The following NME5 variants were observed in gnomAD, a reference collection of about 807,000 sequenced individuals.
NME5 encodes nucleoside diphosphate kinase 5.
Under a neutral mutation model 21.6 loss-of-function variants are expected in NME5, and 18 were observed. The ratio of observed to expected loss-of-function variants is 0.83; its 90% CI spans 0.58 to 1.24. The LOEUF (loss-of-function observed/expected upper bound fraction) is 1.24. Ranked by LOEUF, NME5 falls within the 50% of genes most tolerant of loss-of-function variation. The pLI, the probability that NME5 is intolerant of heterozygous loss-of-function variation, is 0.00. For missense variants in NME5, 223 were observed against 255.4 expected, an observed-to-expected ratio of 0.87 and a Z score of 0.86; for synonymous variants, 70 against 80.6, an observed-to-expected ratio of 0.87 and a Z score of 0.71.
At position 138,115,747 on chromosome 5, in the gene NME5, C is replaced by T. The variant is rs1351080285; in HGVS notation, c.573G>A (p.Trp191Ter). The T allele has an allele frequency of 3.8e-6, 6 of 1,577,994 alleles. No homozygotes were observed. The highest frequency in any genetic ancestry group is 5.1e-6 in the Non-Finnish European group (6 of 1,168,642). Residue 191 changes from tryptophan (W) to a stop codon, truncating the protein, a stop_gained, in exon 6 of 6, where the codon TGG becomes TGA. Transcript: ENST00000265191. LOFTEE classifies it high-confidence loss of function. ...PADPLIWLAD[W>*]LLKNNPNKPK... is the part of the protein sequence containing the mutation. ...GTTTGTTAGGATTATTTTTCAGCAGCCAATCAGCTAGCCAAATCTATGGGA... is the reference window on the plus strand; with the variant it reads ...GTTTGTTAGGATTATTTTTCAGCAGTCAATCAGCTAGCCAAATCTATGGGA...
At chr5:138,135,294 G>A (rs1275024862) in intron 2 of NME5, among the ~76,000 whole-genome samples, 2 of 143,902 alleles carry the variant, frequency 1.4e-5, no homozygotes, top group Admixed American at 6.9e-5. Flanking sequence ...CTCCAGCCTG[G>A]GCGACACAGA....
intron 5 of NME5, 36 bp from the exon 6 acceptor site, chr5:138,115,800 C>G (rs370280184): frequency 2.1e-6 from 3 of 1,407,916 alleles, no homozygotes; most frequent in East Asian, 2.3e-5. Context: ...AGTTAAGAAA[C>G]AGTTACATAT....
At chr5:138,138,810 T>C in intron 1 of NME5, 25 bp from the exon 2 acceptor site, 1 of 1,590,444 alleles carries the variant, frequency 6.3e-7, no homozygotes, top group Non-Finnish European at 8.5e-7. Flanking sequence ...AATTAAGAGT[T>C]TCTTAACAGG....
chr5:138,118,197 C>T (rs1032767045), intron 5 of NME5, among the ~76,000 whole-genome samples: 2 of 151,386 alleles, frequency 1.3e-5, no homozygotes, highest in Non-Finnish European at 2.9e-5. Context: ...ACAATCTCGG[C>T]TCACTGCAAG....
In NME5 at chr5:138,129,259, T is replaced by A. The variant is rs768447817; in HGVS notation, c.335+4A>T. The A allele has an allele frequency of 6.2e-7, 1 of 1,604,560 alleles. No individual in the cohort carries two copies. The highest frequency in any genetic ancestry group is 1.1e-5 in the South Asian group (1 of 90,834). ...CCTGCCATCCCCCAAACCCTGAAAA[T>A]TACCTGTCTGGATGTGTCTCCTTCG... On this transcript the variant is annotated splice_donor_region_variant and intron_variant, in intron 3 of 5. Coordinates refer to ENST00000265191, the MANE Select transcript of NME5 (RefSeq NM_003551.3).
chr5:138,128,668 G>A (rs1357821214), intron 3 of NME5, 89 bp from the exon 4 acceptor site: 5 of 797,490 alleles, frequency 6.3e-6, no homozygotes, highest in Non-Finnish European at 8.0e-6. Context: ...TTTTACAAAA[G>A]CATTGCCACT....
chr5:138,129,722 C>G (rs1751516078), intron 2 of NME5, among the ~76,000 whole-genome samples: 1 of 152,148 alleles, frequency 6.6e-6, no homozygotes, highest in African/African-American at 2.4e-5. Flanking sequence ...CTTTGGAAGG[C>G]CGAGGTCGGT....
chr5:138,133,201 C>T (rs1448672638), intron 2 of NME5, among the ~76,000 whole-genome samples: 1 of 151,788 alleles, frequency 6.6e-6, no homozygotes, highest in African/African-American at 2.4e-5. Context: ...ACTGGGTTCA[C>T]GCCATTCTCC....
At chr5:138,136,072 C>T (rs1015407327) in intron 2 of NME5, among the ~76,000 whole-genome samples, 1 of 152,188 alleles carries the variant, frequency 6.6e-6, no homozygotes, top group Non-Finnish European at 1.5e-5. Context: ...TTAGTCCTGT[C>T]TCCCAATCTC....
chr5:138,118,945 A>G lies in NME5; in HGVS notation c.437-9T>C. 7.0e-7 allele frequency: 1 copy of G among 1,423,780 alleles called. No individual in the cohort carries two copies. The highest frequency in any genetic ancestry group is 9.9e-7 in the Non-Finnish European group (1 of 1,007,152). 88.2% of individuals were successfully genotyped at this position (1,423,780 alleles called of 1,614,324 possible). On this transcript the variant is annotated splice_polypyrimidine_tract_variant and intron_variant, in intron 4 of 5. Coordinates refer to ENST00000265191, the MANE Select transcript of NME5 (RefSeq NM_003551.3). ...AATGGGCTCAACAATCACTGCAAAT[A>G]CAAATGTATTCTCATTGATGCAAAC...
At chr5:138,125,114 A>G (rs1474833976) in intron 4 of NME5, among the ~76,000 whole-genome samples, 1 of 150,856 alleles carries the variant, frequency 6.6e-6, no homozygotes, top group Non-Finnish European at 1.5e-5. Context: ...TAGAGATGAG[A>G]TCTTGCTATG....
chr5:138,131,970 C>A (rs865803487), intron 2 of NME5, among the ~76,000 whole-genome samples: 17 of 152,208 alleles, frequency 1.1e-4, no homozygotes, highest in Non-Finnish European at 1.9e-4. Flanking sequence ...CTCTTGAACT[C>A]CTGACCTCAG....
intron 2 of NME5, 164 bp downstream of exon 2, chr5:138,138,488 T>C: frequency 3.4e-6 from 2 of 584,998 alleles, no homozygotes; most frequent in Non-Finnish European, 5.6e-6. Flanking sequence ...TTTCTCATTT[T>C]ACATCCTTTT....
chr5:138,128,804 G>A (rs147987154), intron 3 of NME5, among the ~76,000 whole-genome samples: 1 of 152,212 alleles, frequency 6.6e-6, no homozygotes, highest in African/African-American at 2.4e-5. Context: ...GGAGTTCTCT[G>A]GATAAAAACG....
At chr5:138,126,310 G>C (rs1003033706) in intron 4 of NME5, among the ~76,000 whole-genome samples, 5 of 151,836 alleles carry the variant, frequency 3.3e-5, no homozygotes, top group Non-Finnish European at 5.9e-5. Context: ...AAGAGTTCGA[G>C]ACTGGCCTGG....
rs375161235 is a variant in NME5 at position 138,137,286 on chromosome 5, G to C, written c.129+1366C>G. Among the ~76,000 whole-genome samples, 39 of 151,858 alleles carry C rather than the reference G, an allele frequency of 2.6e-4. No individual in the cohort carries two copies. The East Asian group carries it at 4.8e-3, about 19-fold the overall frequency. On this transcript the variant is annotated intron_variant, in intron 2 of 5. Transcript: ENST00000265191. ...TCCTTTGAAGCTCAACTGAAATTCCGTATCTTTTCTGAAGATTGATATTTT... is the reference window on the plus strand; with the variant it reads ...TCCTTTGAAGCTCAACTGAAATTCCCTATCTTTTCTGAAGATTGATATTTT...
chr5:138,127,038 C>T (rs185981011), intron 4 of NME5, among the ~76,000 whole-genome samples: 220 of 152,180 alleles, frequency 1.4e-3, no homozygotes, highest in African/African-American at 5.2e-3. Context: ...AAAGACCTCT[C>T]GCTGGGCACG....
intron 2 of NME5, among the ~76,000 whole-genome samples, chr5:138,131,971 CT>C (rs1342475829): frequency 6.6e-6 from 1 of 152,226 alleles, no homozygotes; most frequent in African/African-American, 2.4e-5. Flanking sequence ...TCTTGAACTC[CT>C]GACCTCAGAT....
chr5:138,130,662 C>T (rs1411334645), intron 2 of NME5, among the ~76,000 whole-genome samples: 4 of 151,816 alleles, frequency 2.6e-5, no homozygotes, highest in African/African-American at 7.3e-5. Flanking sequence ...CGGTAGCTCA[C>T]GCCTGTAATC....
Sources: allele counts gnomAD v4.1 joint callset (sites outside exome capture counted in the v4.1 genomes callset), GRCh38; gene constraint gnomAD v4.1.1; transcripts MANE v1.5; gene names NCBI Gene and HGNC (gene_info 2026-07-23, HGNC 2026-07-21).